The following RTL4 variants were observed in gnomAD, a reference collection of about 807,000 sequenced individuals.
RTL4 encodes retrotransposon Gag like 4.
RTL4 carries 4 observed loss-of-function variants against 5.3 expected under a neutral mutation model. The ratio of observed to expected loss-of-function variants is 0.75; its 90% confidence interval spans 0.37 to 1.72. The LOEUF is 1.72. RTL4 is among the 40% of genes most tolerant of loss of function. RTL4 has a pLI of 0.04. For synonymous variants in RTL4, 98 were observed against 87.3 expected (o/e 1.12, Z -0.68); for missense variants, 260 against 227.1 (o/e 1.14, Z -0.93).
At chrX:112,116,447 A>G in the RTL4 span, among the ~76,000 whole-genome samples, 1 of 110,939 alleles carries the variant, frequency 9.0e-6, no homozygotes. Context: ...GTGGAAGGGG[A>G]CCCAAGCAGG....
the RTL4 span, among the ~76,000 whole-genome samples, chrX:112,189,920 T>G: frequency 9.0e-6 from 1 of 111,562 alleles, no homozygotes; most frequent in Admixed American, 9.5e-5. Flanking sequence ...AAACAGACCT[T>G]GAGAAATTCA....
At chrX:112,389,610 T>G in the RTL4 span, among the ~76,000 whole-genome samples, 8 of 111,880 alleles carry the variant, frequency 7.2e-5, no homozygotes, top group South Asian at 2.6e-3. Flanking sequence ...TTGTTCTCAT[T>G]ATTAGTTTCA....
the RTL4 span, among the ~76,000 whole-genome samples, chrX:112,234,549 G>T: frequency 2.7e-5 from 3 of 111,725 alleles, no homozygotes; most frequent in Non-Finnish European, 5.6e-5. Context: ...ACTAGTGGTC[G>T]ACTCGCCAAG....
the RTL4 span, among the ~76,000 whole-genome samples, chrX:112,284,703 C>T: frequency 9.0e-6 from 1 of 111,526 alleles, no homozygotes; most frequent in Non-Finnish European, 1.9e-5. Flanking sequence ...GCATGACTCA[C>T]AAGCAACTGG....
chrX:112,302,793 G>A, the RTL4 span, among the ~76,000 whole-genome samples: 2 of 112,565 alleles, frequency 1.8e-5, no homozygotes, highest in Non-Finnish European at 3.7e-5. Context: ...CTCTTAAGTA[G>A]TTTTTAATAA....
the RTL4 span, among the ~76,000 whole-genome samples, chrX:112,204,787 A>G: frequency 9.0e-6 from 1 of 111,148 alleles, no homozygotes; most frequent in Non-Finnish European, 1.9e-5. Context: ...ATAACTGTAC[A>G]TTTTAAAATA....
At chrX:112,217,786 C>A in the RTL4 span, among the ~76,000 whole-genome samples, 3 of 111,425 alleles carry the variant, frequency 2.7e-5, no homozygotes, top group African/African-American at 9.8e-5. Context: ...TGAGCAGAGC[C>A]CCTGAATGAA....
the RTL4 span, among the ~76,000 whole-genome samples, chrX:112,275,171 TC>T: frequency 2.3e-5 from 2 of 88,221 alleles, no homozygotes; most frequent in Non-Finnish European, 4.5e-5. Context: ...TCTCATTTTT[TC>T]TCTTTCTTTC....
chrX:112,325,207 G>C, the RTL4 span, among the ~76,000 whole-genome samples: 1 of 111,656 alleles, frequency 9.0e-6, no homozygotes. Flanking sequence ...TCAATATCGT[G>C]AAAATGGCCA....
At chrX:112,451,877 G>T (rs1289172776), upstream of RTL4, among the ~76,000 whole-genome samples, 1 of 111,259 alleles carries the variant, frequency 9.0e-6, no homozygotes, top group East Asian at 2.8e-4. Flanking sequence ...ACTTCTCTGT[G>T]ATATTGCTAA....
chrX:112,203,227 C>G, the RTL4 span, among the ~76,000 whole-genome samples: 1 of 111,134 alleles, frequency 9.0e-6, no homozygotes, highest in East Asian at 2.8e-4. Context: ...CTCTTAAGTT[C>G]TTTCACAAAG....
the RTL4 span, among the ~76,000 whole-genome samples, chrX:112,199,671 A>G: frequency 8.9e-6 from 1 of 111,839 alleles, no homozygotes; most frequent in Non-Finnish European, 1.9e-5. Flanking sequence ...TTGTCACAAG[A>G]CTAACTGCTG....
the RTL4 span, among the ~76,000 whole-genome samples, chrX:112,183,915 A>G: frequency 2.7e-5 from 3 of 111,737 alleles, no homozygotes; most frequent in African/African-American, 9.8e-5. Context: ...GCTATTGTGA[A>G]TATTGCAGCA....
the RTL4 span, among the ~76,000 whole-genome samples, chrX:112,138,315 A>T: frequency 3.6e-5 from 4 of 112,419 alleles, no homozygotes; most frequent in African/African-American, 6.4e-5. Flanking sequence ...TAATTCCTAG[A>T]TATCTACTGT....
At chrX:112,212,123 TC>T in the RTL4 span, among the ~76,000 whole-genome samples, 2 of 112,625 alleles carry the variant, frequency 1.8e-5, no homozygotes, top group South Asian at 7.4e-4. Flanking sequence ...ACGCCTGTAA[TC>T]CCAGCACTTT....
At chrX:112,223,914 T>C in the RTL4 span, among the ~76,000 whole-genome samples, 1 of 112,252 alleles carries the variant, frequency 8.9e-6, no homozygotes, top group African/African-American at 3.2e-5. Context: ...TTTCATGTAG[T>C]GATGCCTTGT....
the RTL4 span, among the ~76,000 whole-genome samples, chrX:112,281,752 G>A: frequency 9.0e-6 from 1 of 111,330 alleles, no homozygotes; most frequent in Non-Finnish European, 1.9e-5. Context: ...CTGATTTTGA[G>A]CATTGTTTCA....
chrX:112,450,751 G>A (rs192201117), upstream of RTL4, among the ~76,000 whole-genome samples: 2 of 112,044 alleles, frequency 1.8e-5, no homozygotes, highest in Admixed American at 1.9e-4. Flanking sequence ...GAACTCAACA[G>A]AGATTCTGGA....
exon 1 of RTL4, chrX:112,455,424 C>A: frequency 2.5e-6 from 3 of 1,211,192 alleles, no homozygotes; most frequent in Non-Finnish European, 3.4e-6. Context: ...AGACCCAGCT[C>A]CCATTGTTGG....
Sources: allele counts gnomAD v4.1 joint callset (sites outside exome capture counted in the v4.1 genomes callset), GRCh38; gene constraint gnomAD v4.1.1; transcripts MANE v1.5; gene names NCBI Gene and HGNC (gene_info 2026-07-23, HGNC 2026-07-21).